The following TCF4 variants were observed in gnomAD, a reference collection of about 807,000 sequenced individuals.
The protein encoded by TCF4 is SL3-3 enhancer factor 2.
In TCF4, 3 loss-of-function variants were observed where a neutral mutation model predicts 82.1. The observed-to-expected ratio is 0.04, with a 90% CI of 0.02 to 0.09. The LOEUF (loss-of-function observed/expected upper bound fraction) is 0.09. Among genes scored for constraint, TCF4 ranks in the 10% least tolerant of loss-of-function variants. The probability of loss-of-function intolerance (pLI) is 1.00; values close to 1 mark genes in which losing one functional copy is unlikely to be tolerated. For missense variants in TCF4, 518 were observed against 852.7 expected (o/e 0.61, Z 4.89); for synonymous variants, 276 against 309.6 (o/e 0.89, Z 1.14).
intron 15 of TCF4, among the ~76,000 whole-genome samples, chr18:55,251,215 G>A (rs1035105509): frequency 5.9e-5 from 9 of 152,016 alleles, no homozygotes; most frequent in Non-Finnish European, 1.2e-4. Flanking sequence ...AAAATGGAAA[G>A]GCAGGGAAGG....
intron 6 of TCF4, among the ~76,000 whole-genome samples, chr18:55,363,258 T>C (rs916515002): frequency 5.3e-5 from 8 of 152,200 alleles, no homozygotes; most frequent in Admixed American, 3.3e-4. Flanking sequence ...GAGGCTGTCA[T>C]TGAAAAAAAA....
chr18:55,560,919 A>G (rs1727613111), intron 3 of TCF4, among the ~76,000 whole-genome samples: 1 of 152,272 alleles, frequency 6.6e-6, no homozygotes, highest in Non-Finnish European at 1.5e-5. Context: ...ATTTTCCTAT[A>G]GAAATGTATC....
rs9952582 is a variant in TCF4 at position 55,340,722 on chromosome 18, C to A, written c.549+9637G>T. Among the ~76,000 whole-genome samples, 635 of 152,266 alleles carry A rather than the reference C, an allele frequency of 4.2e-3. 2 individuals are homozygous for A. Among genetic ancestry groups the A allele is most frequent in the African/African-American group, 0.015 (606 of 41,552 alleles). On this transcript the variant is annotated intron_variant, in intron 8 of 19. Coordinates refer to ENST00000354452, the MANE Select transcript of TCF4 (RefSeq NM_001083962.2). ...CTGCTAACTACTCCTAAGTAGGCTG[C>A]CATGTTAGATTTGTTTCTCAAATGC...
intron 3 of TCF4, among the ~76,000 whole-genome samples, chr18:55,495,240 A>C (rs1196400557): frequency 6.6e-6 from 1 of 151,952 alleles, no homozygotes; most frequent in Non-Finnish European, 1.5e-5. Context: ...AAAAGCCAGA[A>C]CTAAAGTTCC....
At chr18:55,404,474 A>G (rs974101859) in intron 5 of TCF4, 5 of 152,344 alleles carry the variant, frequency 3.3e-5, no homozygotes, top group South Asian at 2.1e-4. Flanking sequence ...GCAAGTCTAA[A>G]GGATACTTCT....
chr18:55,323,785 A>T (rs1038969721), intron 8 of TCF4, among the ~76,000 whole-genome samples: 1 of 152,272 alleles, frequency 6.6e-6, no homozygotes, highest in Admixed American at 6.5e-5. Context: ...TAAGTTGGGG[A>T]GTTTCCTGGT....
chr18:55,361,223 G>A (rs2085093953), intron 6 of TCF4, among the ~76,000 whole-genome samples: 1 of 151,974 alleles, frequency 6.6e-6, no homozygotes, highest in South Asian at 2.1e-4. Context: ...TTCCTTCAAG[G>A]AGACCAAACT....
At chr18:55,366,001 G>GATATAGAT (rs1005111472) in intron 6 of TCF4, among the ~76,000 whole-genome samples, 3 of 142,958 alleles carry the variant, frequency 2.1e-5, no homozygotes, top group Non-Finnish European at 4.5e-5. Flanking sequence ...TATAGATATA[G>GATATAGAT]ATATAGATAT....
intron 5 of TCF4, among the ~76,000 whole-genome samples, chr18:55,421,166 A>G (rs2094734559): frequency 1.3e-5 from 2 of 152,150 alleles, no homozygotes; most frequent in Admixed American, 6.5e-5. Flanking sequence ...AGCCACCATA[A>G]TCTTTAGACA....
At chr18:55,228,706 A>G (rs771127085) in intron 18 of TCF4, 141 bp downstream of exon 18, 32 of 901,544 alleles carry the variant, frequency 3.5e-5, no homozygotes, top group Non-Finnish European at 5.2e-5. Context: ...GGATTTAGAC[A>G]CAGTCTGCAA....
In TCF4 at chr18:55,457,088, T is replaced by C. The variant is rs185218546; in HGVS notation, c.304+3931A>G. On this transcript the variant is annotated intron_variant, in intron 5 of 19. Transcript: ENST00000354452. ...TTAGTAAATGTCAGGTAAAAGTATA[T>C]GAATTGGTCAATGTAGGCAGTCAGT... is the stretch of plus-strand genomic sequence containing the variant. 2.3e-3 allele frequency among the ~76,000 whole-genome samples: 345 copies of C among 152,324 alleles called. 1 individual carries two copies. Among genetic ancestry groups the C allele is most frequent in the Non-Finnish European group, 2.5e-3 (170 of 68,038 alleles).
intron 3 of TCF4, among the ~76,000 whole-genome samples, chr18:55,581,750 G>T (rs2147788215): frequency 6.6e-6 from 1 of 152,150 alleles, no homozygotes; most frequent in South Asian, 2.1e-4. Context: ...TGTGGATATA[G>T]GTTAGCTAAC....
At chr18:55,522,141 A>G (rs1480033348) in intron 3 of TCF4, among the ~76,000 whole-genome samples, 1 of 152,202 alleles carries the variant, frequency 6.6e-6, no homozygotes, top group Admixed American at 6.5e-5. Context: ...CAGAGTGATG[A>G]TAACAAGAAC....
chr18:55,308,969 G>C (rs1378974177), intron 8 of TCF4, among the ~76,000 whole-genome samples: 2 of 152,154 alleles, frequency 1.3e-5, no homozygotes, highest in Non-Finnish European at 2.9e-5. Context: ...CAAATATTCT[G>C]TATCTGTGCT....
At chr18:55,628,573 A>G (rs2097728788) in intron 2 of TCF4, among the ~76,000 whole-genome samples, 1 of 152,162 alleles carries the variant, frequency 6.6e-6, no homozygotes, top group African/African-American at 2.4e-5. Flanking sequence ...TTGGAAAAAA[A>G]TTAAAATACC....
chr18:55,533,582 G>T (rs1487154950), intron 3 of TCF4, among the ~76,000 whole-genome samples: 1 of 152,296 alleles, frequency 6.6e-6, no homozygotes, highest in East Asian at 1.9e-4. Flanking sequence ...TATCTTCAAA[G>T]ATAAGTTTTC....
intron 8 of TCF4, among the ~76,000 whole-genome samples, chr18:55,347,985 T>C (rs536667126): frequency 2.0e-5 from 3 of 152,248 alleles, no homozygotes; most frequent in African/African-American, 4.8e-5. Context: ...TCTTATCAAA[T>C]AGTCATAATT....
intron 6 of TCF4, among the ~76,000 whole-genome samples, chr18:55,392,781 A>G (rs1417860096): frequency 6.6e-6 from 1 of 152,194 alleles, no homozygotes; most frequent in Non-Finnish European, 1.5e-5. Flanking sequence ...ATATATATAG[A>G]CATACATAAT....
At chr18:55,234,453 A>G in intron 16 of TCF4, 95 bp downstream of exon 16, 7 of 1,549,924 alleles carry the variant, frequency 4.5e-6, no homozygotes, top group Non-Finnish European at 6.2e-6. Flanking sequence ...GGTTTCTGCC[A>G]GTGCTTCTTG....
Sources: gnomAD v4.1 joint callset for allele counts (sites outside exome capture counted in the v4.1 genomes callset) on GRCh38, gnomAD v4.1.1 for gene constraint, MANE v1.5 for transcripts, NCBI Gene and HGNC (gene_info 2026-07-23, HGNC 2026-07-21) for gene names.